Variants in USP31 observed in about 807,000 individuals in gnomAD.
USP31 encodes the protein ubiquitin carboxyl-terminal hydrolase 31.
Under a neutral mutation model 119.4 loss-of-function variants are expected in USP31, and 44 were observed. That is an observed-to-expected ratio of 0.37 (90% CI 0.29 to 0.47). The LOEUF is 0.47. USP31 is among the 20% of genes least tolerant of loss of function. The pLI is 0.99. For synonymous variants in USP31, 749 were observed against 705.6 expected, an observed-to-expected ratio of 1.06 and a Z score of -0.97; for missense variants, 1,643 against 1,730.2, an observed-to-expected ratio of 0.95 and a Z score of 0.89.
Position 23,084,955 on chromosome 16 carries a change from C to T in USP31, c.1735G>A (p.Asp579Asn). The change falls in exon 11 of 16, where the codon GAT becomes AAT. Residue 579 changes from aspartate (D) to asparagine (N), a missense_variant. Around this residue, in one of 5 missense-constraint regions of USP31, gnomAD observed 279 missense variants for 372.2 expected, o/e 0.75. Coordinates refer to ENST00000219689, the MANE Select transcript of USP31 (RefSeq NM_020718.4). ...FVNTEDEYIP[D>N]AESVRLQRER... is the part of the protein sequence containing the mutation. ...CTTTGCAGACGAACACTTTCTGCAT[C>T]AGGAATATACTCATCCTCAGTATTT... 4 of 1,614,038 alleles carry T rather than the reference C, an allele frequency of 2.5e-6. No homozygotes were observed. Among genetic ancestry groups the T allele is most frequent in the Non-Finnish European group, 3.4e-6 (4 of 1,179,998 alleles).
chr16:23,112,357 T>C (rs1902345995), intron 1 of USP31, among the ~76,000 whole-genome samples: 1 of 152,002 alleles, frequency 6.6e-6, no homozygotes, highest in Non-Finnish European at 1.5e-5. Flanking sequence ...GACAGGTGGA[T>C]CACGTGAGGT....
intron 13 of USP31, 138 bp from the exon 14 acceptor site, chr16:23,074,018 TA>T (rs939196473): frequency 5.5e-4 from 633 of 1,157,418 alleles, no homozygotes; most frequent in Non-Finnish European, 6.0e-4. Flanking sequence ...AGAAAGAGAT[TA>T]AAAAAAAATT....
chr16:23,106,130 G>A, intron 4 of USP31, 83 bp downstream of exon 4: 3 of 1,430,708 alleles, frequency 2.1e-6, no homozygotes, highest in Non-Finnish European at 1.9e-6. Context: ...GTCTAAATAA[G>A]TAAGAAGACC....
intron 9 of USP31, 40 bp from the exon 10 acceptor site, chr16:23,085,702 TTTTC>T: frequency 2.0e-6 from 3 of 1,490,838 alleles, no homozygotes; most frequent in Non-Finnish European, 2.8e-6. Flanking sequence ...CCACATATTA[TTTTC>T]TAAACAAATG....
At chr16:23,071,667 C>A (rs760668976) in intron 15 of USP31, among the ~76,000 whole-genome samples, 9 of 151,680 alleles carry the variant, frequency 5.9e-5, no homozygotes, top group Non-Finnish European at 7.4e-5. Context: ...AGCCTGGAGC[C>A]GACTCCCCAC....
intron 1 of USP31, among the ~76,000 whole-genome samples, chr16:23,121,758 C>T (rs1383620819): frequency 6.6e-6 from 1 of 152,026 alleles, no homozygotes; most frequent in Non-Finnish European, 1.5e-5. Context: ...AGTGGGGTAC[C>T]ACACATTCTT....
In USP31 at chr16:23,102,437, A is replaced by G; in HGVS notation, c.1116T>C (p.Asp372=). The change falls in exon 6 of 16, where the codon GAT becomes GAC. Residue 372 remains aspartate (D), a synonymous_variant. Coordinates refer to ENST00000219689, the MANE Select transcript of USP31 (RefSeq NM_020718.4). ...DQIVLTEMYY[D]GFHRSFCDTD... is the part of the protein sequence containing the mutation. ...TATCACAAAAGGAACGATGGAACCC[A>G]TCATAGTACATTTCTGTTAACACAA... The G allele has an allele frequency of 6.2e-7, 1 of 1,612,156 alleles. No individual in the cohort carries two copies. The highest frequency in any genetic ancestry group is 2.2e-5 in the East Asian group (1 of 44,856).
rs1236692776 is a variant in USP31, at chr16:23,065,296, A to G, written c.*2750T>C. On this transcript the variant is annotated 3_prime_UTR_variant, in exon 16 of 16. Coordinates refer to ENST00000219689, the MANE Select transcript of USP31 (RefSeq NM_020718.4). ...TTAACCCCAAAGCACATACACGCTC[A>G]TTGTGCTAAATATTGCTGGGAAAAT... 6.6e-6 allele frequency: 1 copy of G among 151,100 alleles called. No individual in the cohort carries two copies. Among genetic ancestry groups the G allele is most frequent in the Non-Finnish European group, 1.5e-5 (1 of 67,816 alleles). The allele number at this position is 151,100 out of a possible 1,614,324, so 9.4% of individuals were successfully genotyped here.
chr16:23,144,841 C>T (rs567336573), intron 1 of USP31, among the ~76,000 whole-genome samples: 22 of 152,242 alleles, frequency 1.4e-4, no homozygotes, highest in Non-Finnish European at 2.1e-4. Context: ...TAAAATAAAA[C>T]CTTTTTTTAA....
Position 23,063,290 on chromosome 16 carries a change from C to T in USP31, c.*4756G>A, listed in dbSNP as rs1899925744. 6.6e-6 allele frequency: 1 copy of T among 152,276 alleles called. No homozygotes were observed. Among genetic ancestry groups the T allele is most frequent in the Non-Finnish European group, 1.5e-5 (1 of 68,036 alleles). The allele number at this position is 152,276 out of a possible 1,614,324, so 9.4% of individuals were successfully genotyped here. A position where few individuals can be genotyped will look rare whatever the true frequency, so the allele number is the denominator to read the frequency against. ...CTAGAACCGAATCCACTGCACAACA[C>T]TCCCAGAAATTCCATGGGCTTAGTC... is the stretch of plus-strand genomic sequence containing the variant. On this transcript the variant is annotated 3_prime_UTR_variant, in exon 16 of 16. Transcript: ENST00000219689.
intron 1 of USP31, among the ~76,000 whole-genome samples, chr16:23,119,418 C>G (rs530869451): frequency 6.6e-6 from 1 of 152,126 alleles, no homozygotes; most frequent in African/African-American, 2.4e-5. Flanking sequence ...ATTGTTCAAC[C>G]TCAGCTGATT....
At chr16:23,134,189 G>A (rs1433200799) in intron 1 of USP31, among the ~76,000 whole-genome samples, 2 of 151,880 alleles carry the variant, frequency 1.3e-5, no homozygotes, top group Admixed American at 1.3e-4. Context: ...GAAACTTTAA[G>A]TAGCATGAGA....
chr16:23,101,211 C>T (rs953628169), intron 6 of USP31, among the ~76,000 whole-genome samples: 1 of 152,122 alleles, frequency 6.6e-6, no homozygotes, highest in South Asian at 2.1e-4. Flanking sequence ...TGAACTACGT[C>T]AGTGGCAGTA....
chr16:23,087,660 T>C lies in USP31; in HGVS notation c.1527+64A>G, dbSNP rs1406005962. The stretch of plus-strand genomic sequence containing the variant: ...AACACAAGAAACTCAAATTTCATTG[T>C]AATGTTTGTTTCTTCACTGAGTATA... On this transcript the variant is annotated intron_variant, in intron 8 of 15. Transcript: ENST00000219689. The C allele has an allele frequency of 5.0e-6, 7 of 1,407,894 alleles. No homozygotes were observed. In the Admixed American group the frequency reaches 1.1e-4, roughly 23 times the overall value. 87.2% of individuals were successfully genotyped at this position (1,407,894 alleles called of 1,614,324 possible).
intron 1 of USP31, among the ~76,000 whole-genome samples, chr16:23,137,599 C>CAT (rs574159990): frequency 3.9e-4 from 58 of 150,466 alleles, no homozygotes; most frequent in African/African-American, 7.6e-4. Context: ...TAACACATGA[C>CAT]ATATATATAT....
chr16:23,083,699 G>A (rs1382900003), intron 11 of USP31, among the ~76,000 whole-genome samples: 3 of 112,062 alleles, frequency 2.7e-5, no homozygotes, highest in Admixed American at 9.4e-5. Context: ...ACCTGGCGGG[G>A]GGGGGGGGGG....
chr16:23,102,951 A>G (rs1305166475), intron 5 of USP31, among the ~76,000 whole-genome samples: 1 of 152,218 alleles, frequency 6.6e-6, no homozygotes, highest in African/African-American at 2.4e-5. Flanking sequence ...CTTAGGTTCT[A>G]TGTAAATACT....
Position 23,068,059 on chromosome 16 carries a change from T to C in USP31, c.4046A>G (p.Gln1349Arg). Residue 1349 changes from glutamine to arginine, a missense_variant, in exon 16 of 16, where the codon CAA becomes CGA. Gln to Arg is a conservative substitution (Grantham distance 43). Around this residue, in one of 5 missense-constraint regions of USP31, gnomAD observed 699 missense variants for 650.9 expected, o/e 1.07. Transcript: ENST00000219689. The stretch of plus-strand genomic sequence containing the variant: ...ATTGCAGAAATATCACTGAGGTTTT[T>C]GAGAAGGCCGTGCAGAGGTTTGCAT... Reference protein sequence around the residue: ...SSMQTSARPSQKPQ With the variant: ...SSMQTSARPSRKPQ 1 of 1,608,774 alleles carries C rather than the reference T, an allele frequency of 6.2e-7. No individual in the cohort carries two copies. Among genetic ancestry groups the C allele is most frequent in the Non-Finnish European group, 8.5e-7 (1 of 1,177,496 alleles).
At chr16:23,123,026 G>C (rs1902725257) in intron 1 of USP31, among the ~76,000 whole-genome samples, 1 of 152,150 alleles carries the variant, frequency 6.6e-6, no homozygotes, top group African/African-American at 2.4e-5. Flanking sequence ...CTAATCCATG[G>C]TGGTAGAAGA....
Sources: gnomAD v4.1 joint callset for allele counts (sites outside exome capture counted in the v4.1 genomes callset) on GRCh38, gnomAD v4.1.1 for gene constraint, gnomAD v4.1.1 regional missense constraint, MANE v1.5 for transcripts, NCBI Gene and HGNC (gene_info 2026-07-23, HGNC 2026-07-21) for gene names.